Variants in NHLRC2 observed in about 807,000 individuals in gnomAD.
NHLRC2 encodes NHL repeat containing 2, also known as NHL repeat-containing protein 2.
In NHLRC2, 33 loss-of-function variants were observed where a neutral mutation model predicts 68.1. That is an observed-to-expected ratio of 0.48 (90% CI 0.37 to 0.65). The LOEUF is 0.65. Among genes scored for constraint, NHLRC2 ranks in the 30% least tolerant of loss-of-function variants. The pLI is 0.00. For synonymous variants in NHLRC2, 311 were observed against 309.6 expected, an observed-to-expected ratio of 1.00 and a Z score of -0.05; for missense variants, 761 against 853.8, an observed-to-expected ratio of 0.89 and a Z score of 1.35.
intron 2 of NHLRC2, among the ~76,000 whole-genome samples, chr10:113,867,508 T>C (rs1364939752): frequency 3.9e-5 from 6 of 152,232 alleles, no homozygotes; most frequent in Admixed American, 6.5e-5. Context: ...TCCATTGTTC[T>C]TAGTATAAAA....
chr10:113,871,495 A>G (rs1021531390), intron 2 of NHLRC2, among the ~76,000 whole-genome samples: 1 of 152,214 alleles, frequency 6.6e-6, no homozygotes, highest in Admixed American at 6.5e-5. Flanking sequence ...GTTAAACAAT[A>G]GTAGAGATGG....
At chr10:113,904,667 G>C (rs765923195) in intron 9 of NHLRC2, 150 bp from the exon 10 acceptor site, 2 of 607,900 alleles carry the variant, frequency 3.3e-6, no homozygotes, top group Non-Finnish European at 5.7e-6. Flanking sequence ...TAATCTTGAG[G>C]GCATCTAACA....
chr10:113,878,898 AAGC>A (rs1316652011), intron 3 of NHLRC2, among the ~76,000 whole-genome samples: 1 of 152,146 alleles, frequency 6.6e-6, no homozygotes, highest in Non-Finnish European at 1.5e-5. Flanking sequence ...GAGTTCCACA[AAGC>A]AGTTTGAACT....
chr10:113,903,814 A>G, intron 9 of NHLRC2, 78 bp downstream of exon 9: 1 of 855,154 alleles, frequency 1.2e-6, no homozygotes, highest in East Asian at 2.5e-5. Flanking sequence ...TGACAGAGGC[A>G]TTTTTGGTTA....
intron 1 of NHLRC2, 88 bp from the exon 2 acceptor site, chr10:113,858,440 A>T (rs1845782080): frequency 2.5e-6 from 2 of 791,740 alleles, no homozygotes; most frequent in Non-Finnish European, 3.9e-6. Flanking sequence ...CATTAGTCTT[A>T]AAAAAAAAGG....
chr10:113,860,275 A>T (rs890678624), intron 2 of NHLRC2, among the ~76,000 whole-genome samples: 1 of 152,168 alleles, frequency 6.6e-6, no homozygotes, highest in East Asian at 1.9e-4. Flanking sequence ...CTGAAAGACT[A>T]TTTGGTGAAC....
chr10:113,914,803 A>G lies in NHLRC2; in HGVS notation c.*6267A>G, dbSNP rs1159530820. 4 of 345,276 alleles carry G rather than the reference A, an allele frequency of 1.2e-5. No homozygotes were observed. Among genetic ancestry groups the G allele is most frequent in the Non-Finnish European group, 2.3e-5 (4 of 175,798 alleles). 21.4% of individuals were successfully genotyped at this position (345,276 alleles called of 1,614,324 possible). ...GTCACTATTTTGTCCTGAATAATTA[A>G]GAGTTTGCTTTTTTCCCATGTCTTT... On this transcript the variant is annotated 3_prime_UTR_variant, in exon 11 of 11. Transcript: ENST00000369301.
chr10:113,899,762 GAAAA>G (rs1016993898), intron 6 of NHLRC2, among the ~76,000 whole-genome samples: 48 of 151,914 alleles, frequency 3.2e-4, no homozygotes, highest in Non-Finnish European at 2.9e-5. Context: ...ACTAAAAATA[GAAAA>G]AGTTAGCTGG....
At chr10:113,896,570 G>A (rs890656570) in intron 5 of NHLRC2, among the ~76,000 whole-genome samples, 1 of 151,636 alleles carries the variant, frequency 6.6e-6, no homozygotes, top group East Asian at 1.9e-4. Flanking sequence ...AATGCTAGAT[G>A]ATGAGTTAGT....
chr10:113,863,970 A>G (rs998728321), intron 2 of NHLRC2, among the ~76,000 whole-genome samples: 14 of 152,230 alleles, frequency 9.2e-5, no homozygotes, highest in African/African-American at 3.1e-4. Flanking sequence ...AATAGCCAAG[A>G]TTTAGAAACA....
At chr10:113,863,203 G>A (rs971897339) in intron 2 of NHLRC2, among the ~76,000 whole-genome samples, 1 of 152,132 alleles carries the variant, frequency 6.6e-6, no homozygotes, top group Non-Finnish European at 1.5e-5. Flanking sequence ...CATTTTCCAG[G>A]ATAGACCATT....
rs1846246344 is a variant in NHLRC2 at position 113,903,529 on chromosome 10, T to A, written c.1497T>A (p.Ile499=). ...LYVADSYNHK[I]KVVDPKTKNC... is the part of the protein sequence containing the mutation. ...AGTTTTTGTTCTTTCTTTTTTAGAT[T>A]AAAGTTGTGGATCCAAAAACAAAAA... is the stretch of plus-strand genomic sequence containing the variant. Residue 499 remains isoleucine, a splice_region_variant and synonymous_variant, in exon 9 of 11, where the codon ATT becomes ATA. Transcript: ENST00000369301. 1 of 1,589,002 alleles carries A rather than the reference T, an allele frequency of 6.3e-7. No homozygotes were observed. Among genetic ancestry groups the A allele is most frequent in the Non-Finnish European group, 8.6e-7 (1 of 1,162,262 alleles).
At chr10:113,889,410 TAA>T (rs1276660807) in intron 5 of NHLRC2, among the ~76,000 whole-genome samples, 1 of 152,162 alleles carries the variant, frequency 6.6e-6, no homozygotes, top group African/African-American at 2.4e-5. Context: ...ATTTTTGCTT[TAA>T]AAAAATCAGA....
intron 2 of NHLRC2, among the ~76,000 whole-genome samples, chr10:113,859,514 C>A (rs1018021031): frequency 6.6e-6 from 1 of 152,122 alleles, no homozygotes; most frequent in Non-Finnish European, 1.5e-5. Context: ...ATAGAGAAAT[C>A]TTCAGTGCAA....
rs1846230269 is a variant in NHLRC2, at chr10:113,901,688, C to G, written c.1162C>G (p.Leu388Val). 6.2e-7 allele frequency: 1 copy of G among 1,613,882 alleles called. No homozygotes were observed. Among genetic ancestry groups the G allele is most frequent in the African/African-American group, 1.3e-5 (1 of 74,916 alleles). ...CAGTGAGTTAACAAAAGGAACCTGC[C>G]TTAGGTTTGCTGGAAGTGGAAATGA... The part of the protein sequence containing the change: ...KKNELTKGTC[L>V]RFAGSGNEEN... Residue 388 changes from leucine to valine, a missense_variant, in exon 7 of 11, where the codon CTT (leucine) becomes GTT (valine). Physicochemically the swap from Leu to Val is conservative, Grantham distance 32. Transcript: ENST00000369301.
intron 1 of NHLRC2, among the ~76,000 whole-genome samples, chr10:113,855,914 G>A (rs931635935): frequency 1.3e-5 from 2 of 152,144 alleles, no homozygotes; most frequent in African/African-American, 2.4e-5. Flanking sequence ...TTTCACAGTT[G>A]AGGAAATGGA....
At chr10:113,869,653 ACTT>A (rs1355535960) in intron 2 of NHLRC2, among the ~76,000 whole-genome samples, 1 of 152,100 alleles carries the variant, frequency 6.6e-6, no homozygotes, top group Non-Finnish European at 1.5e-5. Flanking sequence ...TTCAGTCATC[ACTT>A]CTTCAAGGAA....
chr10:113,874,791 TGAGCTGTCTTC>T (rs1255060005), intron 2 of NHLRC2, among the ~76,000 whole-genome samples: 1 of 152,124 alleles, frequency 6.6e-6, no homozygotes, highest in East Asian at 1.9e-4. Context: ...TAATTTCTGT[TGAGCTGTCTTC>T]AGGTTCATTA....
In NHLRC2 at chr10:113,916,105, G is replaced by A. The variant is rs1249455548; in HGVS notation, c.*7569G>A. ...CTATCTTCTGTTTTTAGAATTTGTA[G>A]TCACTGTTCTTAGTGCCACTGGAAA... On this transcript the variant is annotated 3_prime_UTR_variant, in exon 11 of 11. Transcript: ENST00000369301. 1 of 152,174 alleles carries A rather than the reference G, an allele frequency of 6.6e-6. No homozygotes were observed. The highest frequency in any genetic ancestry group is 2.4e-5 in the African/African-American group (1 of 41,444). 9.4% of individuals were successfully genotyped at this position (152,174 alleles called of 1,614,324 possible).
Sources: allele counts gnomAD v4.1 joint callset (sites outside exome capture counted in the v4.1 genomes callset), GRCh38; gene constraint gnomAD v4.1.1; transcripts MANE v1.5; gene names NCBI Gene and HGNC (gene_info 2026-07-23, HGNC 2026-07-21).